The following GALNT13 variants were observed in gnomAD, a reference collection of about 807,000 sequenced individuals.
GALNT13 encodes the protein UDP-GalNAc:polypeptide N-acetylgalactosaminyltransferase 13.
In GALNT13, 28 loss-of-function variants were observed where a neutral mutation model predicts 64.2. The ratio of observed to expected loss-of-function variants is 0.44; its 90% CI spans 0.32 to 0.60. GALNT13 has a LOEUF of 0.60. Among genes scored for constraint, GALNT13 ranks in the 20% least tolerant of loss-of-function variants. GALNT13 has a pLI of 0.05. For missense variants in GALNT13, 577 were observed against 669.8 expected, an observed-to-expected ratio of 0.86 and a Z score of 1.53; for synonymous variants, 214 against 224.6, an observed-to-expected ratio of 0.95 and a Z score of 0.42.
chr2:154,014,635 C>CTTTTTTTTT (rs60950180), intron 3 of GALNT13, among the ~76,000 whole-genome samples: 2,987 of 76,878 alleles, frequency 0.039, 608 homozygotes, highest in South Asian at 0.076. Flanking sequence ...GATAATTCTC[C>CTTTTTTTTT]TTTTTTTTTT....
chr2:154,009,043 T>TTTATA (rs1696446582), intron 3 of GALNT13, among the ~76,000 whole-genome samples: 1 of 152,202 alleles, frequency 6.6e-6, no homozygotes, highest in Admixed American at 6.5e-5. Flanking sequence ...GCTGAACTAA[T>TTTATA]TTATATTATG....
At chr2:153,454,587 C>G in the GALNT13 span, among the ~76,000 whole-genome samples, 1 of 152,202 alleles carries the variant, frequency 6.6e-6, no homozygotes, top group African/African-American at 2.4e-5. Flanking sequence ...TGGGATCCTA[C>G]AATGCATTCA....
intron 8 of GALNT13, among the ~76,000 whole-genome samples, chr2:154,294,915 A>C (rs1692829530): frequency 6.6e-6 from 1 of 152,168 alleles, no homozygotes; most frequent in African/African-American, 2.4e-5. Flanking sequence ...GCTATACTTC[A>C]GGGTAGAAAG....
chr2:154,342,180 A>C (rs927218251), intron 9 of GALNT13, among the ~76,000 whole-genome samples: 1 of 152,096 alleles, frequency 6.6e-6, no homozygotes, highest in Non-Finnish European at 1.5e-5. Context: ...TTTGGGATCC[A>C]TCAATGTTTA....
intron 4 of GALNT13, among the ~76,000 whole-genome samples, chr2:154,167,582 C>A (rs969307692): frequency 6.6e-6 from 1 of 152,176 alleles, no homozygotes; most frequent in Non-Finnish European, 1.5e-5. Flanking sequence ...CCTTTCCATT[C>A]TCCTTTTTTC....
intron 3 of GALNT13, among the ~76,000 whole-genome samples, chr2:153,991,934 CA>C (rs1474444790): frequency 1.3e-5 from 2 of 151,972 alleles, no homozygotes; most frequent in Non-Finnish European, 2.9e-5. Flanking sequence ...TACTTAATGC[CA>C]AAGAGAGAAA....
intron 4 of GALNT13, among the ~76,000 whole-genome samples, chr2:154,151,180 T>G (rs9678696): frequency 5.3e-4 from 81 of 152,236 alleles, no homozygotes; most frequent in Admixed American, 2.5e-3. Flanking sequence ...CCTTCATTTC[T>G]TTATGTATCC....
Position 153,912,574 on chromosome 2 carries a change from G to A in GALNT13, c.-105+11567G>A, listed in dbSNP as rs572423060. On this transcript the variant is annotated intron_variant, in intron 2 of 12. Coordinates refer to ENST00000392825, the MANE Select transcript of GALNT13 (RefSeq NM_052917.4). ...CAGTATTTGAAGTTCCTATCATTTA[G>A]ATGTTTTTTTTTCTTTTATCCTATT... Among the ~76,000 whole-genome samples the A allele has an allele frequency of 2.0e-4, 28 of 142,228 alleles. No individual in the cohort carries two copies. The South Asian group carries it at 3.2e-3, about 16-fold the overall frequency. 93.3% of individuals were successfully genotyped at this position (142,228 alleles called of 152,430 possible). A position where few individuals can be genotyped will look rare whatever the true frequency, so the allele number is the denominator to read the frequency against.
chr2:153,201,283 G>A, the GALNT13 span, among the ~76,000 whole-genome samples: 1 of 152,106 alleles, frequency 6.6e-6, no homozygotes, highest in Non-Finnish European at 1.5e-5. Context: ...TTTGAGTTGT[G>A]TTTAAGTATT....
chr2:153,698,921 C>G, the GALNT13 span, among the ~76,000 whole-genome samples: 1 of 152,044 alleles, frequency 6.6e-6, no homozygotes, highest in African/African-American at 2.4e-5. Flanking sequence ...TTAGTACTCA[C>G]GATTAAGAAA....
At chr2:154,212,831 A>G (rs1687850837) in intron 4 of GALNT13, among the ~76,000 whole-genome samples, 1 of 151,596 alleles carries the variant, frequency 6.6e-6, no homozygotes. Context: ...CCTTAATACA[A>G]TGTTTTTTTT....
chr2:154,024,140 T>C (rs1178692239), intron 3 of GALNT13, among the ~76,000 whole-genome samples: 1 of 152,154 alleles, frequency 6.6e-6, no homozygotes, highest in East Asian at 1.9e-4. Context: ...TTTTCCTTCA[T>C]TTCAACTTTG....
At chr2:153,366,623 G>C in the GALNT13 span, among the ~76,000 whole-genome samples, 1 of 151,250 alleles carries the variant, frequency 6.6e-6, no homozygotes, top group African/African-American at 2.4e-5. Flanking sequence ...ATTTGAAGAA[G>C]TGATGGGCAA....
At chr2:153,618,496 C>T in the GALNT13 span, among the ~76,000 whole-genome samples, 2 of 151,716 alleles carry the variant, frequency 1.3e-5, no homozygotes, top group Non-Finnish European at 2.9e-5. Context: ...GTGTATTCTG[C>T]AGCTCTTGGA....
the GALNT13 span, among the ~76,000 whole-genome samples, chr2:153,445,293 A>G: frequency 2.6e-5 from 4 of 152,174 alleles, no homozygotes; most frequent in African/African-American, 9.7e-5. Context: ...AACAAGCAGA[A>G]CCATAAGTTG....
At chr2:153,594,349 T>A in the GALNT13 span, among the ~76,000 whole-genome samples, 3 of 152,144 alleles carry the variant, frequency 2.0e-5, no homozygotes, top group Non-Finnish European at 4.4e-5. Flanking sequence ...AATTATCATT[T>A]ATATAACATT....
the GALNT13 span, among the ~76,000 whole-genome samples, chr2:153,784,796 A>G: frequency 6.6e-6 from 1 of 152,156 alleles, no homozygotes; most frequent in African/African-American, 2.4e-5. Context: ...CCAGCCAGCC[A>G]TGGGTGACTA....
rs970310097 is a variant in GALNT13, at chr2:153,918,886, G to A, written c.-105+17879G>A. On this transcript the variant is annotated intron_variant, in intron 2 of 12. Transcript: ENST00000392825. ...TCTACTCATAGCTAAATGTCTCCAA[G>A]ATTTTTCAATATTTTGTGTCACATT... Among the ~76,000 whole-genome samples the A allele has an allele frequency of 2.0e-5, 3 of 152,132 alleles. No individual in the cohort carries two copies. The South Asian group carries it at 6.2e-4, about 32-fold the overall frequency.
chr2:153,449,381 A>G, the GALNT13 span, among the ~76,000 whole-genome samples: 104 of 152,176 alleles, frequency 6.8e-4, 1 homozygote, highest in South Asian at 8.1e-3. Flanking sequence ...CTTCTCTTTC[A>G]TAACTCCAGT....
Sources: allele counts gnomAD v4.1 joint callset (sites outside exome capture counted in the v4.1 genomes callset), GRCh38; gene constraint gnomAD v4.1.1; transcripts MANE v1.5; gene names NCBI Gene and HGNC (gene_info 2026-07-23, HGNC 2026-07-21).